The following NFATC2 variants were observed in gnomAD, a reference collection of about 807,000 sequenced individuals.
NFATC2 encodes nuclear factor of activated T-cells, cytoplasmic 2.
Under a neutral mutation model 87.3 loss-of-function variants are expected in NFATC2, and 22 were observed. The observed-to-expected ratio is 0.25, with a 90% confidence interval of 0.18 to 0.36. NFATC2 has a LOEUF of 0.36. Ranked by LOEUF, NFATC2 falls within the 10% of genes least tolerant of loss-of-function variation. The probability of loss-of-function intolerance (pLI) is 1.00; values close to 1 mark genes in which losing one functional copy is unlikely to be tolerated. For synonymous variants in NFATC2, 565 were observed against 542.2 expected, an observed-to-expected ratio of 1.04 and a Z score of -0.58; for missense variants, 1,149 against 1,259.1, an observed-to-expected ratio of 0.91 and a Z score of 1.32.
chr20:51,468,702 C>T (rs1036240239), intron 5 of NFATC2, among the ~76,000 whole-genome samples: 1 of 152,242 alleles, frequency 6.6e-6, no homozygotes, highest in Non-Finnish European at 1.5e-5. Context: ...TCACCATGTG[C>T]TGAGCCCCGG....
At chr20:51,544,019 G>T (rs1051483958), upstream of NFATC2, among the ~76,000 whole-genome samples, 7 of 110,984 alleles carry the variant, frequency 6.3e-5, no homozygotes, top group African/African-American at 2.5e-4. Flanking sequence ...ACGGAGTCTC[G>T]CTCTGTCGCC....
intron 9 of NFATC2, among the ~76,000 whole-genome samples, chr20:51,402,332 G>A (rs1184319901): frequency 4.6e-5 from 7 of 152,126 alleles, no homozygotes; most frequent in Admixed American, 4.6e-4. Context: ...GGCTTCTAAA[G>A]TAGCAACCAC....
intron 2 of NFATC2, 103 bp from the exon 3 acceptor site, chr20:51,517,058 T>G (rs1173380678): frequency 1.7e-6 from 2 of 1,159,530 alleles, no homozygotes; most frequent in Non-Finnish European, 1.2e-6. Flanking sequence ...GATACAGTCA[T>G]GTATTGCTCA....
At position 51,523,776 on chromosome 20, in the gene NFATC2, C is replaced by A; in HGVS notation, c.465G>T (p.Val155=). Residue 155 remains valine, a synonymous_variant, in exon 2 of 11, where the codon GTG becomes GTT. Transcript: ENST00000371564. This position sits in a 1 kb window ranked among gnomAD's most constrained non-coding sequence, Gnocchi z 6.9. Reference sequence around the variant, plus strand: ...GCTCGCGGTAGCCCTCGAAGCCGGGCACGGGCAGGGTGAACCTCGGGCTGG... The same window carrying A: ...GCTCGCGGTAGCCCTCGAAGCCGGGAACGGGCAGGGTGAACCTCGGGCTGG... ...VAASPRFTLP[V]PGFEGYREPL... The A allele has an allele frequency of 6.2e-7, 1 of 1,609,410 alleles. No homozygotes were observed. The highest frequency in any genetic ancestry group is 8.5e-7 in the Non-Finnish European group (1 of 1,177,840).
chr20:51,516,732 A>T, intron 3 of NFATC2, 52 bp downstream of exon 3: 1 of 1,537,262 alleles, frequency 6.5e-7, no homozygotes, highest in Non-Finnish European at 8.8e-7. Flanking sequence ...GCAGAAGTGA[A>T]TCTCTTAGTG....
intron 9 of NFATC2, chr20:51,399,285 A>C (rs1987718714): frequency 6.5e-6 from 1 of 153,674 alleles, no homozygotes; most frequent in Non-Finnish European, 1.4e-5. Context: ...CAACGAAGGC[A>C]CTTGAATGAG....
chr20:51,452,336 A>ACAGTTCCTCCTCTGC (rs1247730463), intron 6 of NFATC2, among the ~76,000 whole-genome samples: 2 of 152,054 alleles, frequency 1.3e-5, no homozygotes, highest in Admixed American at 1.3e-4. Context: ...TCCTGCTGTG[A>ACAGTTCCTCCTCTGC]CAGCTCCTCC....
chr20:51,517,928 C>A lies in NFATC2; in HGVS notation c.1161-973G>T, dbSNP rs76037144. Among the ~76,000 whole-genome samples the A allele has an allele frequency of 4.5e-4, 58 of 130,304 alleles. 2 individuals carry two copies. Among genetic ancestry groups the A allele is most frequent in the African/African-American group, 1.3e-3 (47 of 36,128 alleles). The allele number at this position is 130,304 out of a possible 152,430, so 85.5% of individuals were successfully genotyped here. ...AGACTGTCTCAAAAAAAAAAAAAAA[C>A]ATAAACAAAACAGTATTATAATCTT... On this transcript the variant is annotated intron_variant, in intron 2 of 10. Coordinates refer to ENST00000371564, the MANE Select transcript of NFATC2 (RefSeq NM_012340.5).
Position 51,390,110 on chromosome 20 carries a change from G to A in NFATC2, c.*1386C>T, listed in dbSNP as rs1039648864. ...CTAGGGGAGACTGGGTGCGCTCAGT[G>A]GAAACAGTTGGGAGGAAGGAAATCA... On this transcript the variant is annotated 3_prime_UTR_variant, in exon 11 of 11. Transcript: ENST00000371564. The A allele has an allele frequency of 3.3e-5, 5 of 152,172 alleles. No homozygotes were observed. The highest frequency in any genetic ancestry group is 1.2e-4 in the African/African-American group (5 of 41,430). The allele number at this position is 152,172 out of a possible 1,614,324, so 9.4% of individuals were successfully genotyped here.
At chr20:51,540,913 C>G (rs2076806685) in intron 1 of NFATC2, among the ~76,000 whole-genome samples, 1 of 151,986 alleles carries the variant, frequency 6.6e-6, no homozygotes, top group Non-Finnish European at 1.5e-5. Context: ...AACAGAAAGA[C>G]CACGGATATT....
rs1027789683 is a variant in NFATC2, at chr20:51,542,693, C to T, written c.-194G>A. On this transcript the variant is annotated 5_prime_UTR_variant, in exon 1 of 11. Coordinates refer to ENST00000371564, the MANE Select transcript of NFATC2 (RefSeq NM_012340.5). ...CGCGCCCGGGGAAGCTGAGCGGCGG[C>T]GGCGACGGCGGCGCGAGCTTCCTGC... 63 of 1,012,460 alleles carry T rather than the reference C, an allele frequency of 6.2e-5. No homozygotes were observed. Among genetic ancestry groups the T allele is most frequent in the Non-Finnish European group, 7.2e-5 (61 of 850,564 alleles). 62.7% of individuals were successfully genotyped at this position (1,012,460 alleles called of 1,614,324 possible). A position where few individuals can be genotyped will look rare whatever the true frequency, so the allele number is the denominator to read the frequency against.
chr20:51,454,458 A>AC, intron 6 of NFATC2, 90 bp downstream of exon 6: 1 of 1,431,242 alleles, frequency 7.0e-7, no homozygotes. Flanking sequence ...GGTGGGATCT[A>AC]CCCCCCAAAA....
chr20:51,544,885 G>A (rs2076876864), upstream of NFATC2, among the ~76,000 whole-genome samples: 1 of 152,188 alleles, frequency 6.6e-6, no homozygotes, highest in Non-Finnish European at 1.5e-5. Context: ...GCTGGCTCAG[G>A]AATCATTTCA....
intron 6 of NFATC2, among the ~76,000 whole-genome samples, chr20:51,451,925 A>T (rs1273467957): frequency 6.6e-6 from 1 of 152,204 alleles, no homozygotes; most frequent in Non-Finnish European, 1.5e-5. Flanking sequence ...TTTATTGTAT[A>T]TTACAATGTA....
chr20:51,492,951 T>C (rs2075921843), intron 3 of NFATC2, among the ~76,000 whole-genome samples: 1 of 152,190 alleles, frequency 6.6e-6, no homozygotes, highest in Non-Finnish European at 1.5e-5. Flanking sequence ...GCATTGGAGT[T>C]TGCAGCTTGG....
chr20:51,496,754 G>A (rs1252896729), intron 3 of NFATC2, among the ~76,000 whole-genome samples: 1 of 152,094 alleles, frequency 6.6e-6, no homozygotes, highest in Non-Finnish European at 1.5e-5. Context: ...CAGGTCATCC[G>A]GCTCCATCTT....
chr20:51,539,934 G>C (rs911865336), intron 1 of NFATC2, among the ~76,000 whole-genome samples: 5 of 152,206 alleles, frequency 3.3e-5, no homozygotes, highest in Non-Finnish European at 7.3e-5. Flanking sequence ...GCCTTCCAAA[G>C]AGTTTGAAGA....
At chr20:51,430,544 T>A (rs937125890) in intron 9 of NFATC2, among the ~76,000 whole-genome samples, 2 of 152,180 alleles carry the variant, frequency 1.3e-5, no homozygotes, top group Non-Finnish European at 2.9e-5. Flanking sequence ...TACCTAGAGG[T>A]CAGCCTTGTA....
intron 9 of NFATC2, 65 bp from the exon 10 acceptor site, chr20:51,398,795 G>GAAAAAAAAAATCAC: frequency 2.7e-6 from 3 of 1,112,682 alleles, no homozygotes; most frequent in Non-Finnish European, 4.1e-6. Flanking sequence ...TCTCTCTTAC[G>GAAAAAAAAAATCAC]CTTCCAACTC....
Sources: allele counts gnomAD v4.1 joint callset (sites outside exome capture counted in the v4.1 genomes callset), GRCh38; gene constraint gnomAD v4.1.1; non-coding constraint Gnocchi (gnomAD v3.1); transcripts MANE v1.5; gene names NCBI Gene and HGNC (gene_info 2026-07-23, HGNC 2026-07-21).